Variants in TEP1 observed in about 807,000 individuals in gnomAD.
TEP1 encodes telomerase protein component 1.
In TEP1, 241 loss-of-function variants were observed where a neutral mutation model predicts 306.3. The ratio of observed to expected loss-of-function variants is 0.79; its 90% CI spans 0.71 to 0.88. The LOEUF (loss-of-function observed/expected upper bound fraction) is 0.88. Among genes scored for constraint, TEP1 ranks in the 40% least tolerant of loss-of-function variants. The pLI is 0.00. For synonymous variants in TEP1, 1,289 were observed against 1,305.5 expected, an observed-to-expected ratio of 0.99 and a Z score of 0.27; for missense variants, 3,051 against 3,276.1, an observed-to-expected ratio of 0.93 and a Z score of 1.68.
Position 20,378,079 on chromosome 14 carries a change from G to C in TEP1, c.5666C>G (p.Ala1889Gly), listed in dbSNP as rs1885301315. The C allele has an allele frequency of 7.4e-6, 12 of 1,613,734 alleles. No homozygotes were observed. The highest frequency in any genetic ancestry group is 1.3e-5 in the African/African-American group (1 of 74,900). Reference sequence around the variant, plus strand: ...GCAACCCGCATGCAGGAAAAGCGCAGCAGCAACAAAGCCATGGTGGGCAGG... The same window carrying C: ...GCAACCCGCATGCAGGAAAAGCGCACCAGCAACAAAGCCATGGTGGGCAGG... ...AFPAHHGFVA[A>G]ALFLHAGCQL... Residue 1889 changes from alanine to glycine, a missense_variant, in exon 39 of 55, where the codon GCT (alanine) becomes GGT (glycine). Around this residue, in one of 3 missense-constraint regions of TEP1, gnomAD observed 1,540 missense variants for 1,705.9 expected, o/e 0.90. Transcript: ENST00000262715.
At chr14:20,389,864 CA>C in intron 15 of TEP1, 124 bp from the exon 16 acceptor site, 1 of 1,283,970 alleles carries the variant, frequency 7.8e-7, no homozygotes, top group Admixed American at 2.5e-5. Context: ...CTCCTGAGAG[CA>C]CATAGAATGA....
At chr14:20,406,090 A>AC (rs1458160256) in intron 3 of TEP1, 143 bp downstream of exon 3, 1 of 607,572 alleles carries the variant, frequency 1.6e-6, no homozygotes, top group Non-Finnish European at 2.7e-6. Context: ...AAAAAAGAAA[A>AC]GGGGATTAGG....
chr14:20,386,091 T>G lies in TEP1; in HGVS notation c.2966A>C (p.His989Pro). 1.2e-6 allele frequency: 2 copies of G among 1,609,910 alleles called. No individual in the cohort carries two copies. The highest frequency in any genetic ancestry group is 1.7e-6 in the Non-Finnish European group (2 of 1,178,492). The change falls in exon 20 of 55, where the codon CAT (histidine) becomes CCT (proline). Residue 989 changes from histidine to proline, a missense_variant. This residue lies in a region of TEP1 where 1,507 missense variants were observed against 1,550.5 expected (regional missense o/e 0.97). Coordinates refer to ENST00000262715, the MANE Select transcript of TEP1 (RefSeq NM_007110.5). ...CTGCCTTACCCAGTGGAAGTGTGGA[T>G]GGTCAGGAAGGTTGTAGCTGGGGGG... ...YIPPSYNLPD[H>P]PHFHWAQQYP...
In TEP1 at chr14:20,368,894, C is replaced by G. The variant is rs2228034; in HGVS notation, c.7665G>C (p.Ser2555=). ...LKTRQRRKIH[S]GSVTALHVLP... ...GCACATGGAGGGCTGTGACAGAGCC[C>G]GAGTGAATCTCAAAGAGGAAAGGGG... The change falls in exon 54 of 55, where the codon TCG becomes TCC. Residue 2555 remains serine, a synonymous_variant. Coordinates refer to ENST00000262715, the MANE Select transcript of TEP1 (RefSeq NM_007110.5). 2,155 of 1,613,348 alleles carry G rather than the reference C, an allele frequency of 1.3e-3. 25 individuals carry two copies. In the African/African-American group the frequency reaches 0.025, roughly 19 times the overall value.
At chr14:20,393,216 C>CA (rs1282506531) in intron 12 of TEP1, among the ~76,000 whole-genome samples, 68 of 114,198 alleles carry the variant, frequency 6.0e-4, no homozygotes, top group East Asian at 4.8e-4. Flanking sequence ...GACTCGGTCT[C>CA]AAAAAAAAAA....
Position 20,386,457 on chromosome 14 carries a change from G to C in TEP1, c.2851C>G (p.Arg951Gly). 1 of 1,603,972 alleles carries C rather than the reference G, an allele frequency of 6.2e-7. No individual in the cohort carries two copies. Among genetic ancestry groups the C allele is most frequent in the Non-Finnish European group, 8.5e-7 (1 of 1,174,146 alleles). The change falls in exon 19 of 55, where the codon CGT becomes GGT. Residue 951 changes from arginine (R) to glycine (G), a missense_variant. Coordinates refer to ENST00000262715, the MANE Select transcript of TEP1 (RefSeq NM_007110.5). ...CTGCAGCCCCCACACCTGTTCCTACGGGTCTCCTCCTCAGTGACGCCCCAG... is the reference window on the plus strand; with the variant it reads ...CTGCAGCCCCCACACCTGTTCCTACCGGTCTCCTCCTCAGTGACGCCCCAG... ...LRWGVTEEET[R>G]RNRQLEVCLG...
chr14:20,373,192 G>A, intron 47 of TEP1, 45 bp from the exon 48 acceptor site: 1 of 1,613,116 alleles, frequency 6.2e-7, no homozygotes, highest in Admixed American at 1.7e-5. Context: ...GGATACTGCT[G>A]GGATAAGAGA....
At chr14:20,390,652 G>C in intron 15 of TEP1, 29 bp downstream of exon 15, 1 of 1,603,430 alleles carries the variant, frequency 6.2e-7, no homozygotes, top group Non-Finnish European at 8.5e-7. Context: ...GTGGGGGAGG[G>C]AGAGGGTTTC....
Position 20,369,697 on chromosome 14 carries a change from A to T in TEP1, c.7400T>A (p.Ile2467Lys), listed in dbSNP as rs1428994264. The T allele has an allele frequency of 1.2e-6, 2 of 1,614,150 alleles. No individual in the cohort carries two copies. Among genetic ancestry groups the T allele is most frequent in the Middle Eastern group, 3.3e-4 (2 of 6,062 alleles). Residue 2467 changes from isoleucine (I) to lysine (K), a missense_variant, in exon 52 of 55, where the codon ATA becomes AAA. By Grantham distance (102) the Ile-to-Lys change is moderately radical. This residue lies in a region of TEP1 where 1,540 missense variants were observed against 1,705.9 expected (regional missense o/e 0.90). Coordinates refer to ENST00000262715, the MANE Select transcript of TEP1 (RefSeq NM_007110.5). ...LENPSRTLIS[I>K]TQAKPESESS... The stretch of plus-strand genomic sequence containing the variant: ...ACCAGATTCAGGTTTGGCTTGAGTT[A>T]TCGATATTAGGGTCCTACTAGGATT...
intron 7 of TEP1, among the ~76,000 whole-genome samples, chr14:20,402,672 G>A (rs748959109): frequency 6.6e-6 from 1 of 152,190 alleles, no homozygotes; most frequent in East Asian, 1.9e-4. Context: ...GCCAGTAAGG[G>A]GTGGATGGAA....
intron 1 of TEP1, among the ~76,000 whole-genome samples, chr14:20,410,735 T>C (rs1321763813): frequency 6.9e-6 from 1 of 144,976 alleles, no homozygotes; most frequent in South Asian, 2.2e-4. Flanking sequence ...CCACTGTGCC[T>C]GGCGGACTCC....
chr14:20,397,866 G>A (rs1394663090), intron 9 of TEP1, among the ~76,000 whole-genome samples: 1 of 151,896 alleles, frequency 6.6e-6, no homozygotes, highest in African/African-American at 2.4e-5. Context: ...CAATTCTCCT[G>A]CCTCAGCCTC....
intron 2 of TEP1, 96 bp downstream of exon 2, chr14:20,407,777 C>T: frequency 8.8e-7 from 1 of 1,142,340 alleles, no homozygotes. Flanking sequence ...TAGCCAGACA[C>T]AGAGCAGCAC....
intron 17 of TEP1, 59 bp from the exon 18 acceptor site, chr14:20,388,122 C>T: frequency 6.3e-7 from 1 of 1,591,748 alleles, no homozygotes; most frequent in Non-Finnish European, 8.6e-7. Flanking sequence ...TCAGTGAGGT[C>T]TTCCGAAAAG....
intron 42 of TEP1, 48 bp from the exon 43 acceptor site, chr14:20,375,916 G>T: frequency 6.5e-7 from 1 of 1,533,658 alleles, no homozygotes; most frequent in Non-Finnish European, 9.0e-7. Flanking sequence ...AAGGAAGGAT[G>T]GGAACCCCGG....
At chr14:20,376,464 G>A (rs1181083552) in intron 41 of TEP1, among the ~76,000 whole-genome samples, 200 bp from the exon 42 acceptor site, 2 of 152,164 alleles carry the variant, frequency 1.3e-5, no homozygotes, top group Non-Finnish European at 2.9e-5. Flanking sequence ...GGACGGGAAC[G>A]TGCGGCACTC....
In TEP1 at chr14:20,381,287, G is replaced by C; in HGVS notation, c.4647+26C>G. The stretch of plus-strand genomic sequence containing the variant: ...CAACCAAAGCACTCACTTTGGGAAA[G>C]GTGTCTATGGGGTCTAGGAACTAAC... On this transcript the variant is annotated intron_variant, in intron 32 of 54. Transcript: ENST00000262715. This position sits in a 1 kb window ranked among gnomAD's most constrained non-coding sequence, Gnocchi z 4.0. 1 of 1,611,100 alleles carries C rather than the reference G, an allele frequency of 6.2e-7. No individual in the cohort carries two copies. Among genetic ancestry groups the C allele is most frequent in the Non-Finnish European group, 8.5e-7 (1 of 1,177,160 alleles).
At chr14:20,383,105 C>T (rs576101722) in intron 27 of TEP1, 69 bp downstream of exon 27, 6 of 1,501,232 alleles carry the variant, frequency 4.0e-6, no homozygotes, top group Admixed American at 4.6e-5. Context: ...CTAGCGGCCT[C>T]GGCACCCCAG....
In TEP1 at chr14:20,408,171, G is replaced by T. The variant is rs1483203896; in HGVS notation, c.269C>A (p.Thr90Asn). 2.4e-5 allele frequency: 39 copies of T among 1,612,332 alleles called. 1 individual carries two copies. Among genetic ancestry groups the T allele is most frequent in the Non-Finnish European group, 3.3e-5 (39 of 1,179,794 alleles). ...AACATGTCCATGTGGTTTCTCCATG[G>T]TCTTCAGGTCAGAAAGTGTGGCCAG... is the stretch of plus-strand genomic sequence containing the variant. ...QCLATLSDLK[T>N]MEKPHGHVSA... is the part of the protein sequence containing the mutation. The change falls in exon 2 of 55, where the codon ACC (threonine) becomes AAC (asparagine). Residue 90 changes from threonine to asparagine, a missense_variant. Transcript: ENST00000262715.
Sources: gnomAD v4.1 joint callset for allele counts (sites outside exome capture counted in the v4.1 genomes callset) on GRCh38, gnomAD v4.1.1 for gene constraint, gnomAD v4.1.1 regional missense constraint, Gnocchi (gnomAD v3.1) non-coding constraint, MANE v1.5 for transcripts, NCBI Gene and HGNC (gene_info 2026-07-23, HGNC 2026-07-21) for gene names.